Variants in LARGE1 observed in about 807,000 individuals in gnomAD.
The protein encoded by LARGE1 is LARGE xylosyl- and glucuronyltransferase 1.
LARGE1 carries 43 observed loss-of-function variants against 87.6 expected under a neutral mutation model. The ratio of observed to expected loss-of-function variants is 0.49; its 90% CI spans 0.38 to 0.63. The LOEUF (loss-of-function observed/expected upper bound fraction) is 0.63, where lower values mean the gene tolerates loss of function less well. LARGE1 is among the 30% of genes least tolerant of loss of function. The pLI is 0.00. For synonymous variants in LARGE1, 434 were observed against 394.6 expected (o/e 1.10, Z -1.18); for missense variants, 802 against 1,000.2 (o/e 0.80, Z 2.67).
At chr22:33,177,327 A>T (rs1439340582) in intron 11 of LARGE1, among the ~76,000 whole-genome samples, 1 of 151,352 alleles carries the variant, frequency 6.6e-6, no homozygotes, top group Non-Finnish European at 1.5e-5. Flanking sequence ...TAATTTATGA[A>T]GAAAGATTAT....
chr22:33,756,491 T>C (rs2084517873), intron 2 of LARGE1, among the ~76,000 whole-genome samples: 2 of 152,102 alleles, frequency 1.3e-5, no homozygotes, highest in South Asian at 4.1e-4. Flanking sequence ...ATTAATTGTG[T>C]TTCAGCTGAG....
chr22:33,875,404 C>A (rs549548980), intron 1 of LARGE1, among the ~76,000 whole-genome samples: 45 of 152,364 alleles, frequency 3.0e-4, no homozygotes, highest in African/African-American at 1.1e-3. Flanking sequence ...TGACAGCCAC[C>A]ACCTGTCCCT....
At chr22:33,097,280 G>A in the LARGE1 span, among the ~76,000 whole-genome samples, 1 of 152,196 alleles carries the variant, frequency 6.6e-6, no homozygotes, top group East Asian at 1.9e-4. Context: ...CAGGAAGTCT[G>A]GAGGAGAACC....
At chr22:33,093,124 C>T in the LARGE1 span, among the ~76,000 whole-genome samples, 1 of 152,154 alleles carries the variant, frequency 6.6e-6, no homozygotes, top group African/African-American at 2.4e-5. Flanking sequence ...AGAGTGAGCT[C>T]CTTTCTTTGC....
chr22:33,168,050 G>A (rs148786368), intron 11 of LARGE1, among the ~76,000 whole-genome samples: 1 of 152,256 alleles, frequency 6.6e-6, no homozygotes, highest in Non-Finnish European at 1.5e-5. Context: ...TTTCCTTTTA[G>A]TGGGTGAACT....
the LARGE1 span, among the ~76,000 whole-genome samples, chr22:33,084,230 C>T: frequency 6.6e-6 from 1 of 152,192 alleles, no homozygotes; most frequent in Non-Finnish European, 1.5e-5. Context: ...CTCTCTGATA[C>T]TTCTTCAGCA....
chr22:33,840,053 C>T (rs2063231264), intron 1 of LARGE1, among the ~76,000 whole-genome samples: 1 of 152,164 alleles, frequency 6.6e-6, no homozygotes, highest in Non-Finnish European at 1.5e-5. Flanking sequence ...TCTAAAATGC[C>T]TCCGAATTGA....
Position 33,337,740 on chromosome 22 carries a change from C to T in LARGE1, c.1193G>A (p.Arg398His). 5.0e-6 allele frequency: 8 copies of T among 1,614,080 alleles called. No homozygotes were observed. The highest frequency in any genetic ancestry group is 6.8e-6 in the Non-Finnish European group (8 of 1,180,034). ...RVKNKHVEFF[R>H]NLYLTFLEYD... ...CTCCAGGAAGGTCAGGTAGAGGTTG[C>T]GAAAAAACTCCACATGCTTGTTCTT... The change falls in exon 10 of 15, where the codon CGC (arginine) becomes CAC (histidine). Residue 398 changes from arginine to histidine, a missense_variant. Physicochemically the swap from Arg to His is conservative, Grantham distance 29. Around this residue, in one of 2 missense-constraint regions of LARGE1, gnomAD observed 625 missense variants for 841.9 expected, o/e 0.74. Transcript: ENST00000397394.
intron 2 of LARGE1, among the ~76,000 whole-genome samples, chr22:33,709,788 G>A (rs1180174551): frequency 6.6e-6 from 1 of 151,808 alleles, no homozygotes; most frequent in Non-Finnish European, 1.5e-5. Context: ...ACCAAGCCCA[G>A]CTAATTTTTA....
chr22:33,486,573 G>A (rs183414673), intron 6 of LARGE1, among the ~76,000 whole-genome samples: 4 of 152,140 alleles, frequency 2.6e-5, no homozygotes, highest in Admixed American at 2.6e-4. Context: ...GAAAGACTGA[G>A]GAAATCCATT....
At chr22:33,598,639 T>C (rs759930700) in intron 5 of LARGE1, among the ~76,000 whole-genome samples, 70 of 152,118 alleles carry the variant, frequency 4.6e-4, no homozygotes, top group Non-Finnish European at 5.4e-4. Context: ...TTTTCTGTTC[T>C]TGTGTTAGTT....
At chr22:33,149,815 C>A in the LARGE1 span, among the ~76,000 whole-genome samples, 34 of 152,142 alleles carry the variant, frequency 2.2e-4, no homozygotes, top group African/African-American at 8.2e-4. Context: ...CCAATCTTAG[C>A]TTCCAGAGGC....
chr22:33,453,696 GT>G (rs1569177708), intron 6 of LARGE1, among the ~76,000 whole-genome samples: 1 of 152,046 alleles, frequency 6.6e-6, no homozygotes, highest in African/African-American at 2.4e-5. Context: ...CTGGCTCCTG[GT>G]TTTTTTACTT....
At chr22:33,673,800 G>A (rs921067416) in intron 2 of LARGE1, among the ~76,000 whole-genome samples, 21 of 152,016 alleles carry the variant, frequency 1.4e-4, no homozygotes, top group Non-Finnish European at 2.4e-4. Context: ...TGGGTTCTAG[G>A]ACTCTCCTGC....
At chr22:33,770,895 A>G (rs1015550140) in intron 1 of LARGE1, among the ~76,000 whole-genome samples, 5 of 152,082 alleles carry the variant, frequency 3.3e-5, no homozygotes, top group African/African-American at 9.7e-5. Context: ...CCATTCTCAC[A>G]TTCTTCCTCC....
intron 2 of LARGE1, among the ~76,000 whole-genome samples, chr22:33,662,188 G>C (rs1205466182): frequency 6.6e-6 from 1 of 151,848 alleles, no homozygotes; most frequent in African/African-American, 2.4e-5. Context: ...GCCTGGTCCA[G>C]AGAGTGTTCT....
At chr22:33,421,462 G>C (rs1484999106) in intron 7 of LARGE1, among the ~76,000 whole-genome samples, 1 of 152,132 alleles carries the variant, frequency 6.6e-6, no homozygotes, top group Non-Finnish European at 1.5e-5. Context: ...CAGAATACAA[G>C]CAATACAGTC....
Position 33,432,562 on chromosome 22 carries a change from A to ATCATTCAT in LARGE1, c.788-305_788-298dup, listed in dbSNP as rs10626676. Among the ~76,000 whole-genome samples, 680 of 150,430 alleles carry ATCATTCAT rather than the reference A, an allele frequency of 4.5e-3. 2 individuals carry two copies. The highest frequency in any genetic ancestry group is 0.015 in the African/African-American group (595 of 40,384). On this transcript the variant is annotated intron_variant, in intron 6 of 14. Coordinates refer to ENST00000397394, the MANE Select transcript of LARGE1 (RefSeq NM_133642.5). The stretch of plus-strand genomic sequence containing the variant: ...GAATCTGATAAAGCTAGAATCCCAA[A>ATCATTCAT]TCATTCATTCATTCATTCATTCATT...
chr22:33,214,898 A>G (rs946540555), intron 11 of LARGE1, among the ~76,000 whole-genome samples: 3 of 152,174 alleles, frequency 2.0e-5, no homozygotes, highest in African/African-American at 7.2e-5. Context: ...TGGGCCAGAA[A>G]GCAGGGAGTA....
Sources: allele counts gnomAD v4.1 joint callset (sites outside exome capture counted in the v4.1 genomes callset), GRCh38; gene constraint gnomAD v4.1.1; regional missense constraint gnomAD v4.1.1; transcripts MANE v1.5; gene names NCBI Gene and HGNC (gene_info 2026-07-23, HGNC 2026-07-21).